Variants in CFAP97D2 observed in about 807,000 individuals in gnomAD.
CFAP97D2 encodes the protein uncharacterized protein CFAP97D2.
At chr13:114,195,214 C>T (rs1431655996) in intron 1 of CFAP97D2, among the ~76,000 whole-genome samples, 2 of 152,246 alleles carry the variant, frequency 1.3e-5, no homozygotes, top group African/African-American at 4.8e-5. Context: ...TTCGTTCACA[C>T]GTAGTGACAG....
chr13:114,182,485 C>T (rs1002801321), intron 1 of CFAP97D2, among the ~76,000 whole-genome samples: 15 of 151,906 alleles, frequency 9.9e-5, no homozygotes, highest in South Asian at 2.1e-4. Flanking sequence ...AGCACAGACC[C>T]TTTACCGGTG....
intron 4 of CFAP97D2, among the ~76,000 whole-genome samples, chr13:114,214,951 GGTT>G (rs1318300175): frequency 6.6e-6 from 1 of 152,034 alleles, no homozygotes; most frequent in Non-Finnish European, 1.5e-5. Flanking sequence ...TTGAAATTTA[GGTT>G]GTTTTCAGTT....
At chr13:114,179,307 G>T, upstream of CFAP97D2, 1 of 398,736 alleles carries the variant, frequency 2.5e-6, no homozygotes, top group South Asian at 1.3e-4. The surrounding 1 kb of genome is among the most constrained non-coding windows in gnomAD (Gnocchi z 4.8). Flanking sequence ...TGTCTGGAAT[G>T]AGCAAGACGA....
chr13:114,195,381 CT>C (rs2138760688), intron 1 of CFAP97D2, among the ~76,000 whole-genome samples: 1 of 152,322 alleles, frequency 6.6e-6, no homozygotes, highest in South Asian at 2.1e-4. Flanking sequence ...CTCGCTGCAT[CT>C]TCTCCACCCT....
At chr13:114,219,712 C>T in intron 4 of CFAP97D2, among the ~76,000 whole-genome samples, 1 of 152,230 alleles carries the variant, frequency 6.6e-6, no homozygotes, top group African/African-American at 2.4e-5. Flanking sequence ...GCATGCCTCC[C>T]CCACTGCCCT....
At chr13:114,212,784 G>A (rs550501005) in intron 4 of CFAP97D2, among the ~76,000 whole-genome samples, 3 of 152,088 alleles carry the variant, frequency 2.0e-5, no homozygotes, top group African/African-American at 7.2e-5. Context: ...CCCAGGAGAC[G>A]GAGGTTGCAG....
rs959395842 is a variant in CFAP97D2, at chr13:114,222,107, C to T, written c.481-391C>T. Among the ~76,000 whole-genome samples the T allele has an allele frequency of 2.6e-5, 4 of 152,088 alleles. No homozygotes were observed. Among genetic ancestry groups the T allele is most frequent in the Admixed American group, 1.3e-4 (2 of 15,266 alleles). On this transcript the variant is annotated intron_variant, in intron 4 of 4. Coordinates refer to ENST00000646158, the Ensembl canonical transcript of CFAP97D2. This position sits in a 1 kb window ranked among gnomAD's most constrained non-coding sequence, Gnocchi z 4.4. ...CGTGAAAAAGCTGGATACTAAATGCCGCATGTTGTCTGATCCCTTTTATAT... is the reference window on the plus strand; with the variant it reads ...CGTGAAAAAGCTGGATACTAAATGCTGCATGTTGTCTGATCCCTTTTATAT...
At chr13:114,196,548 T>C in intron 2 of CFAP97D2, 72 bp downstream of exon 2, 1 of 398,164 alleles carries the variant, frequency 2.5e-6, no homozygotes, top group Non-Finnish European at 4.4e-6. Context: ...CCCAGGAAAA[T>C]AGAAAAGGCA....
chr13:114,184,974 G>T (rs577301193), intron 1 of CFAP97D2, among the ~76,000 whole-genome samples: 1 of 152,178 alleles, frequency 6.6e-6, no homozygotes, highest in South Asian at 2.1e-4. Flanking sequence ...TAAGTGAAAC[G>T]AATAAGCAGC....
Position 114,182,028 on chromosome 13 carries a change from G to A in CFAP97D2, c.90+2608G>A, listed in dbSNP as rs554898984. Among the ~76,000 whole-genome samples the A allele has an allele frequency of 1.4e-4, 22 of 152,190 alleles. No individual in the cohort carries two copies. The East Asian group carries it at 3.5e-3, about 24-fold the overall frequency. ...TAGAGAAATAACAGTGGGCCCAGGGGACCGGCGCTCAGCATACCAAGGACC... is the reference window on the plus strand; with the variant it reads ...TAGAGAAATAACAGTGGGCCCAGGGAACCGGCGCTCAGCATACCAAGGACC... On this transcript the variant is annotated intron_variant, in intron 1 of 4. Transcript: ENST00000646158.
rs775805520 is a variant in CFAP97D2, at chr13:114,186,599, C to G, written c.90+7179C>G. On this transcript the variant is annotated intron_variant, in intron 1 of 4. Transcript: ENST00000646158. The surrounding 1 kb of genome is among the most constrained non-coding windows in gnomAD (Gnocchi z 4.3). ...TCTTGGGGGGTCCCAGACCTGGGAG[C>G]TCCCTGAGCCAGGGCTGTGACTCCC... is the stretch of plus-strand genomic sequence containing the variant. 6.6e-6 allele frequency among the ~76,000 whole-genome samples: 1 copy of G among 152,212 alleles called. No homozygotes were observed. The highest frequency in any genetic ancestry group is 1.5e-5 in the Non-Finnish European group (1 of 68,032).
intron 4 of CFAP97D2, chr13:114,212,200 G>C (rs965801045): frequency 6.3e-5 from 25 of 397,454 alleles, no homozygotes; most frequent in Non-Finnish European, 1.0e-4. Flanking sequence ...CTCATTCTTT[G>C]CCGTATTAGA....
At chr13:114,222,565 T>C, downstream of CFAP97D2, 2 of 378,606 alleles carry the variant, frequency 5.3e-6, no homozygotes, top group Non-Finnish European at 4.5e-6. This position sits in a 1 kb window ranked among gnomAD's most constrained non-coding sequence, Gnocchi z 4.4. Flanking sequence ...TGAGGAAGGG[T>C]AAGGATTCAG....
At chr13:114,222,982 A>G (rs1412241525), downstream of CFAP97D2, 1 of 156,410 alleles carries the variant, frequency 6.4e-6, no homozygotes, top group African/African-American at 2.4e-5. This position sits in a 1 kb window ranked among gnomAD's most constrained non-coding sequence, Gnocchi z 4.4. Flanking sequence ...GGATTTGTCT[A>G]TAATTCCTAG....
At chr13:114,213,906 AC>A in intron 4 of CFAP97D2, among the ~76,000 whole-genome samples, 1 of 134,796 alleles carries the variant, frequency 7.4e-6, no homozygotes. Context: ...AGGACCACAA[AC>A]CCCACCCCTG....
intron 4 of CFAP97D2, chr13:114,215,926 A>G (rs2080991541): frequency 6.6e-6 from 1 of 152,208 alleles, no homozygotes; most frequent in Admixed American, 6.5e-5. Flanking sequence ...GGAGAGTCAA[A>G]TTGCTCAGGT....
rs943425563 is a variant in CFAP97D2 at position 114,186,534 on chromosome 13, G to A, written c.90+7114G>A. 5.3e-5 allele frequency among the ~76,000 whole-genome samples: 8 copies of A among 152,240 alleles called. No individual in the cohort carries two copies. The highest frequency in any genetic ancestry group is 1.9e-4 in the African/African-American group (8 of 41,456). The stretch of plus-strand genomic sequence containing the variant: ...ATGCCCCTTGTTCACCATGCTGTGG[G>A]TGAAGAGGAGAAAAGAGAGAAGGAG... On this transcript the variant is annotated intron_variant, in intron 1 of 4. Coordinates refer to ENST00000646158, the Ensembl canonical transcript of CFAP97D2. This position sits in a 1 kb window ranked among gnomAD's most constrained non-coding sequence, Gnocchi z 4.3.
intron 3 of CFAP97D2, among the ~76,000 whole-genome samples, chr13:114,205,911 A>G (rs2080937808): frequency 6.6e-6 from 1 of 152,154 alleles, no homozygotes; most frequent in African/African-American, 2.4e-5. Flanking sequence ...GGACAAGAGG[A>G]GAAAAGCTGA....
Position 114,205,169 on chromosome 13 carries a change from A to G in CFAP97D2, c.290+4726A>G, listed in dbSNP as rs1168615029. Among the ~76,000 whole-genome samples the G allele has an allele frequency of 2.0e-5, 3 of 152,328 alleles. No individual in the cohort carries two copies. In the East Asian group the frequency reaches 5.8e-4, roughly 29 times the overall value. ...TTGACTGGAATCAAAATGACAGATA[A>G]GAAGGAGTGTTGGTGACCATGTGGG... On this transcript the variant is annotated intron_variant, in intron 3 of 4. Transcript: ENST00000646158.
Sources: gnomAD v4.1 joint callset for allele counts (sites outside exome capture counted in the v4.1 genomes callset) on GRCh38, gnomAD v4.1.1 for gene constraint, Gnocchi (gnomAD v3.1) non-coding constraint, MANE v1.5 for transcripts, NCBI Gene and HGNC (gene_info 2026-07-23, HGNC 2026-07-21) for gene names.